Variants in TXK observed in about 807,000 individuals in gnomAD.
TXK encodes TXK tyrosine kinase, also known as tyrosine-protein kinase TXK.
Under a neutral mutation model 81.0 loss-of-function variants are expected in TXK, and 60 were observed. The ratio of observed to expected loss-of-function variants is 0.74; its 90% CI spans 0.60 to 0.92. The LOEUF is 0.92. TXK is among the 40% of genes least tolerant of loss of function. The pLI, the probability that TXK is intolerant of heterozygous loss-of-function variation, is 0.00. For missense variants in TXK, 581 were observed against 638.3 expected, an observed-to-expected ratio of 0.91 and a Z score of 0.97; for synonymous variants, 203 against 210.7, an observed-to-expected ratio of 0.96 and a Z score of 0.32.
chr4:48,115,973 A>T (rs1403412200), intron 1 of TXK, among the ~76,000 whole-genome samples: 1 of 152,358 alleles, frequency 6.6e-6, no homozygotes, highest in South Asian at 2.1e-4. Context: ...GCAGCAGAGT[A>T]CCTTAGAGGT....
chr4:48,076,378 C>CAT (rs763504519), intron 12 of TXK, 24 bp downstream of exon 12: 315 of 1,500,452 alleles, frequency 2.1e-4, no homozygotes, highest in East Asian at 6.5e-4. Flanking sequence ...AAACAAAATA[C>CAT]ATATATATAT....
In TXK at chr4:48,066,691, A is replaced by G. The variant is rs75290433; in HGVS notation, c.*946T>C. ...AAGATAAATTTCTGATCATTCCTAC[A>G]AAGAGTGCAGGCAAAGTTAAGATTT... On this transcript the variant is annotated 3_prime_UTR_variant, in exon 15 of 15. Coordinates refer to ENST00000264316, the MANE Select transcript of TXK (RefSeq NM_003328.3). 6.6e-6 allele frequency: 1 copy of G among 152,318 alleles called. No individual in the cohort carries two copies. The highest frequency in any genetic ancestry group is 1.9e-4 in the East Asian group (1 of 5,186). 9.4% of individuals were successfully genotyped at this position (152,318 alleles called of 1,614,324 possible). A position where few individuals can be genotyped will look rare whatever the true frequency, so the allele number is the denominator to read the frequency against.
chr4:48,067,593 A>C lies in TXK; in HGVS notation c.*44T>G, dbSNP rs375178522. The C allele has an allele frequency of 1.9e-6, 3 of 1,584,284 alleles. No individual in the cohort carries two copies. Among genetic ancestry groups the C allele is most frequent in the Non-Finnish European group, 2.6e-6 (3 of 1,152,810 alleles). On this transcript the variant is annotated 3_prime_UTR_variant, in exon 15 of 15. Coordinates refer to ENST00000264316, the MANE Select transcript of TXK (RefSeq NM_003328.3). ...ATGGTGAAGATATTCACAATAAATGACAGTTTTGCAAGATGACTCTTTGGG... is the reference window on the plus strand; with the variant it reads ...ATGGTGAAGATATTCACAATAAATGCCAGTTTTGCAAGATGACTCTTTGGG...
At position 48,086,652 on chromosome 4, in the gene TXK, C is replaced by A; in HGVS notation, c.785-15G>T. The A allele has an allele frequency of 6.2e-7, 1 of 1,610,118 alleles. No homozygotes were observed. The highest frequency in any genetic ancestry group is 8.5e-7 in the Non-Finnish European group (1 of 1,177,102). ...CTCCCACTTTTCTGAAAAAGTAAAA[C>A]ATCCATGTTACAAGTAGAAAGAAAG... On this transcript the variant is annotated splice_polypyrimidine_tract_variant and intron_variant, in intron 9 of 14. Transcript: ENST00000264316.
At chr4:48,082,434 T>C (rs1281072978) in intron 10 of TXK, among the ~76,000 whole-genome samples, 2 of 152,218 alleles carry the variant, frequency 1.3e-5, no homozygotes, top group Non-Finnish European at 2.9e-5. Flanking sequence ...ACCATCTGTA[T>C]TGGTCTCCAC....
At chr4:48,104,582 T>TA (rs1560355416) in intron 6 of TXK, among the ~76,000 whole-genome samples, 1 of 59,208 alleles carries the variant, frequency 1.7e-5, no homozygotes, top group African/African-American at 6.2e-5. Flanking sequence ...AATATATATA[T>TA]TATATATATA....
intron 9 of TXK, among the ~76,000 whole-genome samples, chr4:48,088,263 C>T (rs1717615316): frequency 6.6e-6 from 1 of 152,190 alleles, no homozygotes; most frequent in Non-Finnish European, 1.5e-5. Context: ...GTATCTACTA[C>T]ATCTAAACAT....
At chr4:48,087,730 C>T (rs1478286301) in intron 9 of TXK, among the ~76,000 whole-genome samples, 3 of 152,070 alleles carry the variant, frequency 2.0e-5, no homozygotes, top group Non-Finnish European at 4.4e-5. Context: ...CCACCACACC[C>T]GGCCTCATAG....
At chr4:48,089,453 T>A (rs1024339100) in intron 9 of TXK, 2 of 199,470 alleles carry the variant, frequency 1.0e-5, no homozygotes, top group Admixed American at 1.1e-4. Flanking sequence ...TGCAGTGGCA[T>A]GACCTCAGCT....
chr4:48,102,098 C>A (rs1718214002), intron 6 of TXK, among the ~76,000 whole-genome samples: 1 of 152,114 alleles, frequency 6.6e-6, no homozygotes, highest in Admixed American at 6.5e-5. Flanking sequence ...CCTGCCTCAG[C>A]CTCCTGAGTA....
chr4:48,110,628 T>G (rs767564540), intron 4 of TXK, 25 bp from the exon 5 acceptor site: 7 of 1,583,084 alleles, frequency 4.4e-6, no homozygotes, highest in African/African-American at 2.7e-5. Flanking sequence ...AAAGCAAAAA[T>G]CAAAATGCTT....
At chr4:48,087,438 A>AT (rs201988686) in intron 9 of TXK, among the ~76,000 whole-genome samples, 101 of 150,452 alleles carry the variant, frequency 6.7e-4, no homozygotes, top group African/African-American at 1.9e-3. Context: ...TATTATTATT[A>AT]TTATTTTTTT....
chr4:48,069,042 A>C (rs1450809815), intron 14 of TXK, among the ~76,000 whole-genome samples: 2 of 152,232 alleles, frequency 1.3e-5, no homozygotes, highest in Non-Finnish European at 2.9e-5. Context: ...TTTGCACCTG[A>C]CATAATGACT....
At chr4:48,120,215 G>C (rs897673148) in intron 1 of TXK, among the ~76,000 whole-genome samples, 1 of 90,848 alleles carries the variant, frequency 1.1e-5, no homozygotes, top group African/African-American at 2.8e-5. Context: ...ACGTATATAT[G>C]TACATATATA....
intron 4 of TXK, among the ~76,000 whole-genome samples, chr4:48,111,461 A>T (rs1489359641): frequency 1.3e-5 from 2 of 152,206 alleles, no homozygotes; most frequent in Non-Finnish European, 2.9e-5. Context: ...ATATATTTTT[A>T]AAAACTCTAT....
intron 4 of TXK, among the ~76,000 whole-genome samples, chr4:48,112,010 C>G (rs3792623): frequency 0.35 from 53,040 of 152,092 alleles, 9,688 homozygotes; most frequent in East Asian, 0.65. Context: ...AGAATAAGAA[C>G]CTACATTGTC....
At chr4:48,090,936 G>A (rs1170727904) in intron 8 of TXK, among the ~76,000 whole-genome samples, 2 of 152,228 alleles carry the variant, frequency 1.3e-5, no homozygotes, top group Non-Finnish European at 2.9e-5. Flanking sequence ...AAACGAGCTT[G>A]ACCAGTGTAA....
At chr4:48,101,126 C>A (rs1718176275) in intron 6 of TXK, among the ~76,000 whole-genome samples, 1 of 151,788 alleles carries the variant, frequency 6.6e-6, no homozygotes, top group Non-Finnish European at 1.5e-5. Flanking sequence ...TTTTGAACCA[C>A]GTGAACATAC....
chr4:48,104,955 C>G lies in TXK; in HGVS notation c.447G>C (p.Glu149Asp). The change falls in exon 6 of 15, where the codon GAG becomes GAC. Residue 149 changes from glutamate to aspartate, a missense_variant and splice_region_variant. By Grantham distance (45) the Glu-to-Asp change is conservative (BLOSUM62 2). Coordinates refer to ENST00000264316, the MANE Select transcript of TXK (RefSeq NM_003328.3). ...TTCTGGTAATGTTTCTATGGTACCA[C>G]CTGTAAAAGCAATAAAAATGATTTT... ...ENKITNLEIYEWYHRNITRNQ... is the reference protein window; with the variant it reads ...ENKITNLEIYDWYHRNITRNQ... 6 of 1,577,620 alleles carry G rather than the reference C, an allele frequency of 3.8e-6. No homozygotes were observed. The highest frequency in any genetic ancestry group is 5.2e-6 in the Non-Finnish European group (6 of 1,162,676).
Sources: gnomAD v4.1 joint callset for allele counts (sites outside exome capture counted in the v4.1 genomes callset) on GRCh38, gnomAD v4.1.1 for gene constraint, MANE v1.5 for transcripts, NCBI Gene and HGNC (gene_info 2026-07-23, HGNC 2026-07-21) for gene names.